The following SLC2A2 variants were observed in gnomAD, a reference collection of about 807,000 sequenced individuals.
The protein encoded by SLC2A2 is solute carrier family 2, facilitated glucose transporter member 2.
In SLC2A2, 36 loss-of-function variants were observed where a neutral mutation model predicts 54.5. That is an observed-to-expected ratio of 0.66 (90% CI 0.51 to 0.87). The LOEUF is 0.87. SLC2A2 is among the 40% of genes least tolerant of loss of function. The pLI, the probability that SLC2A2 is intolerant of heterozygous loss-of-function variation, is 0.00. For missense variants in SLC2A2, 543 were observed against 624.3 expected, an observed-to-expected ratio of 0.87 and a Z score of 1.39; for synonymous variants, 223 against 219.1, an observed-to-expected ratio of 1.02 and a Z score of -0.16.
At chr3:171,014,298 C>A (rs1244754234) in intron 3 of SLC2A2, among the ~76,000 whole-genome samples, 171 bp downstream of exon 3, 1 of 152,164 alleles carries the variant, frequency 6.6e-6, no homozygotes. Context: ...ACTGTCGCAA[C>A]AGCTTTTTTC....
At chr3:171,008,734 A>T (rs1435428074) in intron 4 of SLC2A2, among the ~76,000 whole-genome samples, 1 of 152,052 alleles carries the variant, frequency 6.6e-6, no homozygotes, top group East Asian at 1.9e-4. Flanking sequence ...ATTTTATGGG[A>T]GAAGAAACTG....
rs568964087 is a variant in SLC2A2 at position 171,007,205 on chromosome 3, C to T, written c.555G>A (p.Arg185=). 2 of 1,612,818 alleles carry T rather than the reference C, an allele frequency of 1.2e-6. No individual in the cohort carries two copies. The highest frequency in any genetic ancestry group is 1.1e-5 in the South Asian group (1 of 91,070). Residue 185 remains arginine (R), a synonymous_variant, in exon 5 of 11, where the codon AGG becomes AGA. Coordinates refer to ENST00000314251, the MANE Select transcript of SLC2A2 (RefSeq NM_000340.2). ...GCTGATGAAAAGTGCCAAGTGCTCCCCTGAGAGCGGTTGGAGCAATTTCAC... is the reference window on the plus strand; with the variant it reads ...GCTGATGAAAAGTGCCAAGTGCTCCTCTGAGAGCGGTTGGAGCAATTTCAC... The part of the protein sequence containing the change: ...YIGEIAPTAL[R]GALGTFHQLA...
At chr3:171,019,836 C>T (rs543930222) in intron 1 of SLC2A2, among the ~76,000 whole-genome samples, 16 of 152,066 alleles carry the variant, frequency 1.1e-4, no homozygotes, top group East Asian at 3.9e-4. Context: ...TTGTGCATGA[C>T]GTATATAATT....
chr3:171,007,141 T>G lies in SLC2A2; in HGVS notation c.612+7A>C. 6.4e-7 allele frequency: 1 copy of G among 1,569,172 alleles called. No individual in the cohort carries two copies. Among genetic ancestry groups the G allele is most frequent in the African/African-American group, 1.4e-5 (1 of 73,310 alleles). On this transcript the variant is annotated splice_region_variant and intron_variant, in intron 5 of 10. Coordinates refer to ENST00000314251, the MANE Select transcript of SLC2A2 (RefSeq NM_000340.2). ...TGCAGTAGGGGATAAGGATGGGGAG[T>G]TTTTACCTGACTAATAAGAATGCCC...
chr3:171,008,724 A>G (rs540456610), intron 4 of SLC2A2, among the ~76,000 whole-genome samples: 34 of 152,174 alleles, frequency 2.2e-4, no homozygotes, highest in African/African-American at 7.9e-4. Flanking sequence ...TATTATCTGC[A>G]TTTTATGGGA....
rs1188889705 is a variant in SLC2A2, at chr3:171,006,001, A to G, written c.717T>C (p.Cys239=). The G allele has an allele frequency of 1.2e-6, 2 of 1,612,682 alleles. No individual in the cohort carries two copies. The highest frequency in any genetic ancestry group is 1.7e-6 in the Non-Finnish European group (2 of 1,179,086). ...TGTAAAGGTATCTGGGGCTTTCTGG[A>G]CAGAAAAAGAGTAGCAGAGACTGAA... ...AILQSLLLFF[C]PESPRYLYIK... is the part of the protein sequence containing the mutation. The change falls in exon 6 of 11, where the codon TGT becomes TGC. Residue 239 remains cysteine, a synonymous_variant. Coordinates refer to ENST00000314251, the MANE Select transcript of SLC2A2 (RefSeq NM_000340.2).
chr3:171,024,954 T>C (rs1335997243), intron 1 of SLC2A2, among the ~76,000 whole-genome samples: 1 of 152,202 alleles, frequency 6.6e-6, no homozygotes, highest in African/African-American at 2.4e-5. Flanking sequence ...AGAAAATTAA[T>C]GATAGTTTTG....
chr3:171,019,816 G>C (rs1188229414), intron 1 of SLC2A2, among the ~76,000 whole-genome samples: 3 of 152,174 alleles, frequency 2.0e-5, no homozygotes, highest in Non-Finnish European at 4.4e-5. Flanking sequence ...AAATCAAACA[G>C]TTATTTGATT....
At chr3:171,025,214 A>G (rs867668301) in intron 1 of SLC2A2, among the ~76,000 whole-genome samples, 5 of 151,842 alleles carry the variant, frequency 3.3e-5, no homozygotes, top group Non-Finnish European at 5.9e-5. Context: ...TTAAATACAT[A>G]CTATATAAAT....
At position 171,025,919 on chromosome 3, in the gene SLC2A2, C is replaced by A. The variant is rs552742212; in HGVS notation, c.15+737G>T. ...TGAAGTGATCATTCCATAACCTTCG[C>A]CTTTATTCACCACTGGTTAACATTC... On this transcript the variant is annotated intron_variant, in intron 1 of 10. Coordinates refer to ENST00000314251, the MANE Select transcript of SLC2A2 (RefSeq NM_000340.2). Among the ~76,000 whole-genome samples, 11 of 152,166 alleles carry A rather than the reference C, an allele frequency of 7.2e-5. No individual in the cohort carries two copies. In the South Asian group the frequency reaches 2.3e-3, roughly 32 times the overall value.
At chr3:171,014,363 C>T in intron 3 of SLC2A2, 106 bp downstream of exon 3, 1 of 1,295,888 alleles carries the variant, frequency 7.7e-7, no homozygotes, top group Non-Finnish European at 1.1e-6. Flanking sequence ...GAAAAAACAA[C>T]TCTAAAGCTA....
intron 4 of SLC2A2, among the ~76,000 whole-genome samples, chr3:171,008,222 A>G (rs982943185): frequency 5.3e-5 from 8 of 152,112 alleles, no homozygotes; most frequent in African/African-American, 1.7e-4. Flanking sequence ...TTTTCAAAAT[A>G]TATTTTTTAA....
At chr3:171,001,014 G>A (rs1715310223) in intron 8 of SLC2A2, among the ~76,000 whole-genome samples, 1 of 152,118 alleles carries the variant, frequency 6.6e-6, no homozygotes, top group Admixed American at 6.5e-5. Flanking sequence ...AAAAGATTAT[G>A]TCACTTCCCT....
chr3:171,005,942 C>A lies in SLC2A2; in HGVS notation c.775+1G>T. 6.2e-7 allele frequency: 1 copy of A among 1,611,870 alleles called. No individual in the cohort carries two copies. ...GAAAGAAAAACCATCCACAGACTTA[C>A]TTTGTTTTGCTTTGACTTCCTCATC... On this transcript the variant is annotated splice_donor_variant, in intron 6 of 10. Transcript: ENST00000314251. LOFTEE classifies it high-confidence loss of function.
chr3:171,011,167 T>A (rs2108252001), intron 3 of SLC2A2, among the ~76,000 whole-genome samples: 1 of 152,234 alleles, frequency 6.6e-6, no homozygotes, highest in East Asian at 1.9e-4. Context: ...CGTGATAGGC[T>A]AAATCATGTC....
In SLC2A2 at chr3:171,009,912, GGTGTGTGTGTGTGTGT is replaced by G. The variant is rs71176588; in HGVS notation, c.496+30_496+45del. On this transcript the variant is annotated intron_variant, in intron 4 of 10. Transcript: ENST00000314251. ...TTAGAGTTACTTTCAGACAAAGGTA[GGTGTGTGTGTGTGTGT>G]GTGTGTGTGTGTGTGTGTGTGTGAC... 863 of 1,325,610 alleles carry G rather than the reference GGTGTGTGTGTGTGTGT, an allele frequency of 6.5e-4. No homozygotes were observed. The highest frequency in any genetic ancestry group is 8.1e-4 in the Non-Finnish European group (806 of 997,542). 82.1% of individuals were successfully genotyped at this position (1,325,610 alleles called of 1,614,324 possible).
chr3:171,010,232 G>A, intron 3 of SLC2A2, 150 bp from the exon 4 acceptor site: 1 of 790,698 alleles, frequency 1.3e-6, no homozygotes, highest in Admixed American at 2.1e-5. Flanking sequence ...AACCAAGATT[G>A]CTAATTTGAC....
chr3:171,014,684 G>T lies in SLC2A2; in HGVS notation c.156C>A (p.Asp52Glu). 1.2e-6 allele frequency: 2 copies of T among 1,613,826 alleles called. No homozygotes were observed. Among genetic ancestry groups the T allele is most frequent in the African/African-American group, 1.3e-5 (1 of 75,028 alleles). ...YRHVLGVPLD[D>E]RKAINNYVIN... ...TAACATAGTTGTTGATAGCTTTTCG[G>T]TCATCCAGTGGAACACCCAAAACAT... is the stretch of plus-strand genomic sequence containing the variant. Residue 52 changes from aspartate to glutamate, a missense_variant, in exon 3 of 11, where the codon GAC becomes GAA. Asp to Glu is a conservative substitution (Grantham distance 45). Around this residue, in one of 3 missense-constraint regions of SLC2A2, gnomAD observed 318 missense variants for 343.8 expected, o/e 0.93. Coordinates refer to ENST00000314251, the MANE Select transcript of SLC2A2 (RefSeq NM_000340.2).
intron 10 of SLC2A2, 21 bp from the exon 11 acceptor site, chr3:170,998,124 G>A (rs756939498): frequency 6.2e-7 from 1 of 1,613,338 alleles, no homozygotes; most frequent in Non-Finnish European, 8.5e-7. Flanking sequence ...AGCAAACACA[G>A]ACTTTGAGTT....
Sources: gnomAD v4.1 joint callset for allele counts (sites outside exome capture counted in the v4.1 genomes callset) on GRCh38, gnomAD v4.1.1 for gene constraint, gnomAD v4.1.1 regional missense constraint, MANE v1.5 for transcripts, NCBI Gene and HGNC (gene_info 2026-07-23, HGNC 2026-07-21) for gene names.